ACTR3C: variants seen among roughly 807,000 people sequenced by gnomAD.
ACTR3C encodes actin related protein 3C, also known as actin-related protein 3C.
In ACTR3C, 18 loss-of-function variants were observed where a neutral mutation model predicts 26.3. That is an observed-to-expected ratio of 0.68 (90% confidence interval 0.47 to 1.01). ACTR3C has a LOEUF of 1.01. ACTR3C is among the 50% of genes least tolerant of loss of function. The pLI, the probability that ACTR3C is intolerant of heterozygous loss-of-function variation, is 0.00. For missense variants in ACTR3C, 184 were observed against 250.7 expected (o/e 0.73, Z 1.80); for synonymous variants, 55 against 94.5 (o/e 0.58, Z 2.42).
chr7:150,193,947 T>G, the ACTR3C span, among the ~76,000 whole-genome samples: 326 of 144,192 alleles, frequency 2.3e-3, 1 homozygote, highest in Non-Finnish European at 3.9e-3. Context: ...TATGCCTGCT[T>G]TAAAAAAATA....
At chr7:149,987,345 C>G in the ACTR3C span, among the ~76,000 whole-genome samples, 5 of 150,634 alleles carry the variant, frequency 3.3e-5, no homozygotes, top group African/African-American at 1.2e-4. Context: ...GCGGGTGGAT[C>G]ACTTGAGGTC....
chr7:149,919,350 C>T, the ACTR3C span, among the ~76,000 whole-genome samples: 1 of 151,406 alleles, frequency 6.6e-6, no homozygotes, highest in South Asian at 2.1e-4. Context: ...AAGCGATTCT[C>T]CTGCCTCAGC....
the ACTR3C span, among the ~76,000 whole-genome samples, chr7:149,960,913 G>T: frequency 6.6e-6 from 1 of 152,242 alleles, no homozygotes; most frequent in East Asian, 1.9e-4. Flanking sequence ...AGTACACAGA[G>T]AGGAAGTGTG....
the ACTR3C span, among the ~76,000 whole-genome samples, chr7:150,136,867 C>G: frequency 6.6e-6 from 1 of 152,178 alleles, no homozygotes; most frequent in Non-Finnish European, 1.5e-5. Flanking sequence ...AATTTTCTGG[C>G]ACCAGGGGCT....
chr7:150,048,128 T>G, the ACTR3C span, among the ~76,000 whole-genome samples: 1 of 151,842 alleles, frequency 6.6e-6, no homozygotes, highest in Non-Finnish European at 1.5e-5. Flanking sequence ...GTTTTTATAA[T>G]TTTTTTCCCC....
the ACTR3C span, among the ~76,000 whole-genome samples, chr7:149,976,234 T>G: frequency 6.6e-6 from 1 of 152,180 alleles, no homozygotes; most frequent in Non-Finnish European, 1.5e-5. Flanking sequence ...ATCAACTCTT[T>G]AATTTTTGGT....
At chr7:149,967,028 A>ATTTTTTTTTTTTTTTTT in the ACTR3C span, among the ~76,000 whole-genome samples, 1 of 64,716 alleles carries the variant, frequency 1.5e-5, no homozygotes, top group Non-Finnish European at 2.9e-5. Context: ...TGCACAGCTA[A>ATTTTTTTTTTTTTTTTT]TTTTTTTTTT....
chr7:149,921,184 C>A, the ACTR3C span, among the ~76,000 whole-genome samples: 3 of 152,056 alleles, frequency 2.0e-5, no homozygotes, highest in East Asian at 5.8e-4. Context: ...AAAACTTTGT[C>A]TTTTATTTAT....
chr7:149,954,224 A>G, the ACTR3C span, among the ~76,000 whole-genome samples: 2 of 152,258 alleles, frequency 1.3e-5, no homozygotes, highest in Non-Finnish European at 2.9e-5. Context: ...AAGAATCACA[A>G]TGAAAGTCCA....
At chr7:150,180,032 G>A in the ACTR3C span, among the ~76,000 whole-genome samples, 14 of 151,038 alleles carry the variant, frequency 9.3e-5, no homozygotes, top group Non-Finnish European at 2.1e-4. Flanking sequence ...GTGGCCGGGC[G>A]CAGTGGCTCA....
the ACTR3C span, among the ~76,000 whole-genome samples, chr7:149,924,431 A>G: frequency 6.6e-6 from 1 of 152,036 alleles, no homozygotes. Flanking sequence ...ATAAGTGAAA[A>G]CAAACAAACA....
chr7:150,188,449 C>G, the ACTR3C span, among the ~76,000 whole-genome samples: 1 of 151,596 alleles, frequency 6.6e-6, no homozygotes, highest in South Asian at 2.1e-4. Context: ...TGTGCACAGT[C>G]TGTAGTTCTC....
At chr7:149,994,493 A>T in the ACTR3C span, among the ~76,000 whole-genome samples, 1 of 152,130 alleles carries the variant, frequency 6.6e-6, no homozygotes, top group South Asian at 2.1e-4. Context: ...GCTACTCAGG[A>T]GGCTGAGGCG....
At chr7:150,149,841 T>G in the ACTR3C span, among the ~76,000 whole-genome samples, 1 of 152,228 alleles carries the variant, frequency 6.6e-6, no homozygotes, top group African/African-American at 2.4e-5. Flanking sequence ...TGTTTATATA[T>G]TTGCAAAAAG....
chr7:150,093,529 A>G, the ACTR3C span, among the ~76,000 whole-genome samples: 8 of 150,958 alleles, frequency 5.3e-5, no homozygotes, highest in East Asian at 1.5e-3. Context: ...TCTGGTCCCT[A>G]TCCCAACACT....
downstream of ACTR3C, chr7:150,245,732 G>T (rs767472007): frequency 6.6e-6 from 1 of 152,164 alleles, no homozygotes; most frequent in Non-Finnish European, 1.5e-5. Flanking sequence ...TACCTTAGCC[G>T]GTGTGTTGAC....
chr7:150,179,497 T>G, the ACTR3C span, among the ~76,000 whole-genome samples: 1 of 149,264 alleles, frequency 6.7e-6, no homozygotes, highest in South Asian at 2.1e-4. Flanking sequence ...AGCTTTTCTT[T>G]TTGTCTTATT....
At chr7:150,166,039 A>T in the ACTR3C span, among the ~76,000 whole-genome samples, 1 of 151,762 alleles carries the variant, frequency 6.6e-6, no homozygotes, top group South Asian at 2.1e-4. Context: ...AAACTAGAAC[A>T]TTGTCTAAAA....
chr7:150,034,682 G>T, the ACTR3C span, among the ~76,000 whole-genome samples: 1 of 134,860 alleles, frequency 7.4e-6, no homozygotes, highest in African/African-American at 2.9e-5. Context: ...ACCTGCCGTC[G>T]GAAGATTTGA....
Sources: gnomAD v4.1 joint callset for allele counts (sites outside exome capture counted in the v4.1 genomes callset) on GRCh38, gnomAD v4.1.1 for gene constraint, MANE v1.5 for transcripts, NCBI Gene and HGNC (gene_info 2026-07-23, HGNC 2026-07-21) for gene names.